RYR3: variants seen among roughly 807,000 people sequenced by gnomAD.
RYR3 encodes ryanodine receptor 3.
In RYR3, 207 loss-of-function variants were observed where a neutral mutation model predicts 584.3. The ratio of observed to expected loss-of-function variants is 0.35; its 90% CI spans 0.32 to 0.40. The LOEUF is 0.40. Ranked by LOEUF, RYR3 falls within the 10% of genes least tolerant of loss-of-function variation. The pLI is 1.00. For synonymous variants in RYR3, 2,416 were observed against 2,248.5 expected, an observed-to-expected ratio of 1.07 and a Z score of -2.11; for missense variants, 5,616 against 6,089.2, an observed-to-expected ratio of 0.92 and a Z score of 2.59.
At chr15:33,458,019 C>T (rs1171158428) in intron 1 of RYR3, among the ~76,000 whole-genome samples, 4 of 152,104 alleles carry the variant, frequency 2.6e-5, no homozygotes, top group East Asian at 1.9e-4. Flanking sequence ...TCAATAAGTT[C>T]TTCCTGGTTG....
intron 57 of RYR3, among the ~76,000 whole-genome samples, chr15:33,754,645 G>A (rs925430208): frequency 1.3e-5 from 2 of 152,186 alleles, no homozygotes; most frequent in Admixed American, 6.5e-5. Context: ...GAGGCTGGGC[G>A]CGGTGGCCGG....
rs758490138 is a variant in RYR3 at position 33,366,420 on chromosome 15, A to C, written c.51+55324A>C. The stretch of plus-strand genomic sequence containing the variant: ...ATATATTGAATGGCATAATAAAAAA[A>C]GATCTGGATAGTTAGAAATAATGGG... On this transcript the variant is annotated intron_variant, in intron 1 of 103. Coordinates refer to ENST00000634891, the MANE Select transcript of RYR3 (RefSeq NM_001036.6). Among the ~76,000 whole-genome samples the C allele has an allele frequency of 2.2e-4, 34 of 152,224 alleles. 1 individual carries two copies. The highest frequency in any genetic ancestry group is 4.7e-4 in the Non-Finnish European group (32 of 68,044).
intron 29 of RYR3, 63 bp from the exon 30 acceptor site, chr15:33,647,361 T>G: frequency 7.5e-7 from 1 of 1,337,292 alleles, no homozygotes; most frequent in South Asian, 1.2e-5. Flanking sequence ...TCAAGTTGCC[T>G]GTCGGAACTG....
rs2071816246 is a variant in RYR3 at position 33,756,294 on chromosome 15, G to A, written c.8516-12G>A. The stretch of plus-strand genomic sequence containing the variant: ...AACTCTGGCCAACTTTGTGTTACCT[G>A]TGTCTTCGTAGAAGCCATTGTCAGC... On this transcript the variant is annotated splice_polypyrimidine_tract_variant and intron_variant, in intron 58 of 103. Coordinates refer to ENST00000634891, the MANE Select transcript of RYR3 (RefSeq NM_001036.6). 1.9e-6 allele frequency: 3 copies of A among 1,566,084 alleles called. No homozygotes were observed. The African/African-American group carries it at 4.1e-5, about 21-fold the overall frequency.
At chr15:33,423,371 T>C (rs1487249932) in intron 1 of RYR3, among the ~76,000 whole-genome samples, 3 of 152,248 alleles carry the variant, frequency 2.0e-5, no homozygotes, top group Non-Finnish European at 4.4e-5. Context: ...TTCAATTGTA[T>C]GTATAGACTG....
At chr15:33,325,382 A>G (rs753452157) in intron 1 of RYR3, among the ~76,000 whole-genome samples, 4 of 152,240 alleles carry the variant, frequency 2.6e-5, no homozygotes, top group Non-Finnish European at 4.4e-5. Context: ...TGAAGGGAAG[A>G]CATTTTATTG....
At chr15:33,748,553 G>T (rs768612302) in intron 55 of RYR3, 23 bp downstream of exon 55, 1 of 1,603,054 alleles carries the variant, frequency 6.2e-7, no homozygotes, top group Admixed American at 1.7e-5. Context: ...GGTCCAGCAT[G>T]ACTTGCTTTC....
intron 18 of RYR3, 27 bp downstream of exon 18, chr15:33,603,391 C>A (rs749468964): frequency 6.6e-7 from 1 of 1,514,024 alleles, no homozygotes; most frequent in Non-Finnish European, 8.8e-7. Flanking sequence ...AGCTTTGGCT[C>A]ATAATCTCAC....
At position 33,564,086 on chromosome 15, in the gene RYR3, C is replaced by T. The variant is rs533186004; in HGVS notation, c.1146+1076C>T. 6.6e-5 allele frequency among the ~76,000 whole-genome samples: 10 copies of T among 152,304 alleles called. No individual in the cohort carries two copies. In the South Asian group the frequency reaches 2.1e-3, roughly 32 times the overall value. On this transcript the variant is annotated intron_variant, in intron 11 of 103. Coordinates refer to ENST00000634891, the MANE Select transcript of RYR3 (RefSeq NM_001036.6). ...AGCCCACCTTGATCTTTGTTTTCTCCTTCAGCACATTTGCTGATTTGCAGA... is the reference window on the plus strand; with the variant it reads ...AGCCCACCTTGATCTTTGTTTTCTCTTTCAGCACATTTGCTGATTTGCAGA...
At position 33,810,962 on chromosome 15, in the gene RYR3, A is replaced by T. The variant is rs779230094; in HGVS notation, c.10198-16A>T. ...TGGTGATCTCCGGGAATAAAATCTG[A>T]CATCTCTTTCCACAGAGGGACACAG... On this transcript the variant is annotated splice_polypyrimidine_tract_variant and intron_variant, in intron 71 of 103. Coordinates refer to ENST00000634891, the MANE Select transcript of RYR3 (RefSeq NM_001036.6). The T allele has an allele frequency of 8.1e-6, 13 of 1,599,312 alleles. No individual in the cohort carries two copies. In the South Asian group the frequency reaches 1.5e-4, roughly 18 times the overall value.
rs1029970262 is a variant in RYR3, at chr15:33,608,174, C to T, written c.2164+4810C>T. ...AGCATCCCTGTGGGTACCACTGTGC[C>T]CATTTTACAGATGGGGAAGTTGAGC... On this transcript the variant is annotated intron_variant, in intron 18 of 103. Coordinates refer to ENST00000634891, the MANE Select transcript of RYR3 (RefSeq NM_001036.6). Among the ~76,000 whole-genome samples the T allele has an allele frequency of 7.2e-5, 11 of 152,290 alleles. 1 individual carries two copies. The highest frequency in any genetic ancestry group is 2.6e-4 in the African/African-American group (11 of 41,550).
intron 2 of RYR3, among the ~76,000 whole-genome samples, chr15:33,476,076 G>A (rs2049346094): frequency 6.6e-6 from 1 of 152,156 alleles, no homozygotes; most frequent in African/African-American, 2.4e-5. Flanking sequence ...CTGATTTTGT[G>A]TAAAAGACAG....
At chr15:33,665,751 C>A (rs1056240927) in intron 36 of RYR3, among the ~76,000 whole-genome samples, 7 of 152,236 alleles carry the variant, frequency 4.6e-5, no homozygotes, top group Admixed American at 3.9e-4. Context: ...AAACAGCATA[C>A]CTGTGCATTT....
intron 1 of RYR3, among the ~76,000 whole-genome samples, chr15:33,382,319 CTTTTTTTTTTTT>C (rs34767570): frequency 9.5e-5 from 10 of 104,788 alleles, no homozygotes; most frequent in Middle Eastern, 6.6e-3. Flanking sequence ...TTAAAAGTGG[CTTTTTTTTTTTT>C]TTTTTTTTTT....
chr15:33,802,080 CA>C, intron 69 of RYR3, 119 bp downstream of exon 69: 1 of 783,360 alleles, frequency 1.3e-6, no homozygotes. Context: ...ACTACATGAC[CA>C]ACAGTCTCTG....
At chr15:33,535,200 C>A (rs1435461452) in intron 5 of RYR3, among the ~76,000 whole-genome samples, 1 of 152,190 alleles carries the variant, frequency 6.6e-6, no homozygotes, top group African/African-American at 2.4e-5. Flanking sequence ...TATTCTAAAG[C>A]TAGGTCAGTT....
At chr15:33,647,550 A>T in intron 30 of RYR3, 90 bp downstream of exon 30, 2 of 885,476 alleles carry the variant, frequency 2.3e-6, no homozygotes, top group Non-Finnish European at 1.8e-6. Context: ...CCGTCTAGAG[A>T]TCCTCTTTAA....
intron 1 of RYR3, among the ~76,000 whole-genome samples, chr15:33,339,935 G>T (rs926354739): frequency 2.0e-5 from 3 of 151,380 alleles, no homozygotes; most frequent in Admixed American, 2.0e-4. Flanking sequence ...GAACACCAAA[G>T]GAGGAATGTT....
intron 27 of RYR3, among the ~76,000 whole-genome samples, chr15:33,641,715 C>T (rs1413464304): frequency 2.6e-5 from 4 of 152,170 alleles, no homozygotes; most frequent in Non-Finnish European, 5.9e-5. Flanking sequence ...GGCCCAGCTG[C>T]GTCCACTTAG....
Sources: gnomAD v4.1 joint callset for allele counts (sites outside exome capture counted in the v4.1 genomes callset) on GRCh38, gnomAD v4.1.1 for gene constraint, MANE v1.5 for transcripts, NCBI Gene and HGNC (gene_info 2026-07-23, HGNC 2026-07-21) for gene names.